The following CDH12 variants were observed in gnomAD, a reference collection of about 807,000 sequenced individuals.
CDH12 encodes cadherin 12, also known as cadherin-12.
In CDH12, 41 loss-of-function variants were observed where a neutral mutation model predicts 74.1. That is an observed-to-expected ratio of 0.55 (90% CI 0.43 to 0.72). CDH12 has a LOEUF of 0.72. Ranked by LOEUF, CDH12 falls within the 30% of genes least tolerant of loss-of-function variation. The probability of loss-of-function intolerance (pLI) is 0.00; values close to 1 mark genes in which losing one functional copy is unlikely to be tolerated. For missense variants in CDH12, 945 were observed against 977.2 expected (o/e 0.97, Z 0.44); for synonymous variants, 399 against 355.0 (o/e 1.12, Z -1.39).
chr5:22,377,181 T>G (rs945173552), intron 3 of CDH12, among the ~76,000 whole-genome samples: 8 of 152,156 alleles, frequency 5.3e-5, no homozygotes, highest in East Asian at 3.9e-4. Flanking sequence ...CAATGACAGA[T>G]TCTTCAGATT....
chr5:22,756,564 C>G (rs528143174), intron 1 of CDH12, among the ~76,000 whole-genome samples: 62 of 152,246 alleles, frequency 4.1e-4, no homozygotes, highest in African/African-American at 1.4e-3. Context: ...TATCAAATTT[C>G]TAACTCTAAA....
chr5:22,266,670 G>A (rs1736131707), intron 3 of CDH12, among the ~76,000 whole-genome samples: 1 of 151,998 alleles, frequency 6.6e-6, no homozygotes, highest in Admixed American at 6.6e-5. Context: ...CATATATTTG[G>A]ATTAGAGAGT....
chr5:21,921,861 C>T (rs549893714), intron 6 of CDH12, among the ~76,000 whole-genome samples: 75 of 152,284 alleles, frequency 4.9e-4, no homozygotes, highest in African/African-American at 1.8e-3. Flanking sequence ...TGCTGGCCTT[C>T]CCCTCCTTTG....
chr5:21,797,437 C>A (rs186082275), intron 10 of CDH12, among the ~76,000 whole-genome samples: 2 of 152,204 alleles, frequency 1.3e-5, no homozygotes, highest in African/African-American at 4.8e-5. Context: ...ATGCCTCATA[C>A]CCCATGTTTC....
intron 6 of CDH12, among the ~76,000 whole-genome samples, chr5:21,877,064 A>G (rs926551529): frequency 3.9e-5 from 6 of 152,196 alleles, no homozygotes; most frequent in Non-Finnish European, 5.9e-5. Context: ...TTAGTCAGGC[A>G]TAGTGGCACT....
At chr5:22,613,407 T>A (rs1000716095) in intron 1 of CDH12, among the ~76,000 whole-genome samples, 1 of 152,076 alleles carries the variant, frequency 6.6e-6, no homozygotes, top group Non-Finnish European at 1.5e-5. Flanking sequence ...ATGATTGTAA[T>A]CTTGTGCAAC....
chr5:22,253,690 C>G (rs373297523), intron 3 of CDH12, among the ~76,000 whole-genome samples: 1 of 151,678 alleles, frequency 6.6e-6, no homozygotes. Flanking sequence ...TACTCTCTTC[C>G]TCTTCCCCTT....
intron 1 of CDH12, among the ~76,000 whole-genome samples, chr5:22,605,278 G>A (rs1299915506): frequency 6.6e-6 from 1 of 152,110 alleles, no homozygotes; most frequent in Non-Finnish European, 1.5e-5. Flanking sequence ...AATTGCATGA[G>A]CCAATGTTTC....
chr5:22,761,122 G>A (rs1284836154), intron 1 of CDH12, among the ~76,000 whole-genome samples: 1 of 152,048 alleles, frequency 6.6e-6, no homozygotes, highest in Non-Finnish European at 1.5e-5. Flanking sequence ...CTTAATGAAT[G>A]ACACTTCAAA....
At position 21,817,020 on chromosome 5, in the gene CDH12, A is replaced by T. The variant is rs1033416127; in HGVS notation, c.927T>A (p.Val309=). The change falls in exon 9 of 15, where the codon GTT becomes GTA. Residue 309 remains valine, a synonymous_variant. Transcript: ENST00000382254. ...CAAACAAATTTCCCCCATCTCCTGG[A>T]ACAATATTGTATTCAATTTCTGCAT... ...GQNAEIEYNI[V]PGDGGNLFDI... The T allele has an allele frequency of 8.1e-6, 13 of 1,612,610 alleles. No individual in the cohort carries two copies. The African/African-American group carries it at 1.5e-4, about 18-fold the overall frequency.
chr5:21,901,463 A>G (rs913346223), intron 6 of CDH12, among the ~76,000 whole-genome samples: 4 of 152,244 alleles, frequency 2.6e-5, no homozygotes, highest in African/African-American at 7.2e-5. Context: ...TTTTTCAAAA[A>G]CTTGTTGGAA....
chr5:22,039,035 G>C (rs1161369741), intron 5 of CDH12, among the ~76,000 whole-genome samples: 1 of 152,118 alleles, frequency 6.6e-6, no homozygotes, highest in African/African-American at 2.4e-5. Context: ...TGCCCCAACA[G>C]GGTTCAAGCA....
At position 21,765,074 on chromosome 5, in the gene CDH12, G is replaced by T; in HGVS notation, c.1419C>A (p.Val473=). ...CATCTAAGACATTAATCAGTATATT[G>T]ACTTTGCTGGTCAATAAAGGGTTAC... is the stretch of plus-strand genomic sequence containing the variant. ...KVSNPLLTSK[V]NILINVLDVN... The change falls in exon 12 of 15, where the codon GTC becomes GTA. Residue 473 remains valine (V), a synonymous_variant. Coordinates refer to ENST00000382254, the MANE Select transcript of CDH12 (RefSeq NM_004061.5). 1 of 1,596,610 alleles carries T rather than the reference G, an allele frequency of 6.3e-7. No individual in the cohort carries two copies. Among genetic ancestry groups the T allele is most frequent in the South Asian group, 1.1e-5 (1 of 88,090 alleles).
intron 3 of CDH12, among the ~76,000 whole-genome samples, chr5:22,269,393 C>G (rs1736282041): frequency 6.6e-6 from 1 of 152,048 alleles, no homozygotes; most frequent in Non-Finnish European, 1.5e-5. Context: ...ACAATTACCC[C>G]CATATTAATG....
intron 3 of CDH12, among the ~76,000 whole-genome samples, chr5:22,390,043 G>A (rs1268314932): frequency 4.4e-5 from 5 of 113,488 alleles, no homozygotes; most frequent in Admixed American, 9.5e-5. Context: ...ACACATGCAC[G>A]CACACGCTAG....
At chr5:21,777,559 G>C (rs1040296622) in intron 11 of CDH12, among the ~76,000 whole-genome samples, 16 of 146,752 alleles carry the variant, frequency 1.1e-4, no homozygotes, top group African/African-American at 4.1e-4. Flanking sequence ...GTCTCACTCT[G>C]TCACCCAGGC....
Position 21,842,452 on chromosome 5 carries a change from T to C in CDH12, c.647-124A>G, listed in dbSNP as rs983635314. On this transcript the variant is annotated intron_variant, in intron 7 of 14. Transcript: ENST00000382254. ...ACTAACAGAGACATAATAGCTAAAATTGTATCTTTTAAAAAGTGAGACATT... is the reference window on the plus strand; with the variant it reads ...ACTAACAGAGACATAATAGCTAAAACTGTATCTTTTAAAAAGTGAGACATT... The C allele has an allele frequency of 6.4e-6, 4 of 622,152 alleles. No individual in the cohort carries two copies. The African/African-American group carries it at 7.6e-5, about 12-fold the overall frequency. 38.5% of individuals were successfully genotyped at this position (622,152 alleles called of 1,614,324 possible).
At chr5:22,590,245 T>C (rs1456577962) in intron 1 of CDH12, among the ~76,000 whole-genome samples, 1 of 152,142 alleles carries the variant, frequency 6.6e-6, no homozygotes, top group African/African-American at 2.4e-5. Flanking sequence ...TTTCTCTCTT[T>C]TGAGTGACAG....
At position 21,836,378 on chromosome 5, in the gene CDH12, C is replaced by T. The variant is rs549514166; in HGVS notation, c.814+5783G>A. Among the ~76,000 whole-genome samples the T allele has an allele frequency of 2.0e-4, 30 of 149,852 alleles. 1 individual carries two copies. The highest frequency in any genetic ancestry group is 5.9e-4 in the African/African-American group (24 of 40,820). On this transcript the variant is annotated intron_variant, in intron 8 of 14. Coordinates refer to ENST00000382254, the MANE Select transcript of CDH12 (RefSeq NM_004061.5). ...TTATGAGTAAGAAATTTTCTTAGAA[C>T]GATTATTGACGTACTATTTTCTATG...
Sources: allele counts gnomAD v4.1 joint callset (sites outside exome capture counted in the v4.1 genomes callset), GRCh38; gene constraint gnomAD v4.1.1; transcripts MANE v1.5; gene names NCBI Gene and HGNC (gene_info 2026-07-23, HGNC 2026-07-21).